LRRC28: variants seen among roughly 807,000 people sequenced by gnomAD.
The protein encoded by LRRC28 is leucine rich repeat containing 28.
LRRC28 carries 39 observed loss-of-function variants against 45.7 expected under a neutral mutation model. The observed-to-expected ratio is 0.85, with a 90% CI of 0.66 to 1.12. LRRC28 has a LOEUF of 1.12. LRRC28 is among the 50% of genes most tolerant of loss of function. The pLI, the probability that LRRC28 is intolerant of heterozygous loss-of-function variation, is 0.00. For synonymous variants in LRRC28, 206 were observed against 178.8 expected, an observed-to-expected ratio of 1.15 and a Z score of -1.22; for missense variants, 435 against 438.5, an observed-to-expected ratio of 0.99 and a Z score of 0.07.
intron 5 of LRRC28, among the ~76,000 whole-genome samples, chr15:99,309,457 G>A (rs1374086555): frequency 6.6e-6 from 1 of 152,120 alleles, no homozygotes; most frequent in Non-Finnish European, 1.5e-5. Flanking sequence ...CGCCAAGGCT[G>A]GAGTGCAGTG....
At chr15:99,275,104 AAGAG>A (rs200732254) in intron 2 of LRRC28, among the ~76,000 whole-genome samples, 6,673 of 152,192 alleles carry the variant, frequency 0.044, 199 homozygotes, top group Non-Finnish European at 0.067. Context: ...GTGTGAGAGA[AAGAG>A]AGAGAGATAT....
chr15:99,361,164 G>A, intron 7 of LRRC28, 172 bp from the exon 8 acceptor site: 1 of 709,510 alleles, frequency 1.4e-6, no homozygotes, highest in South Asian at 2.2e-5. Flanking sequence ...TTAGATTGCT[G>A]GGCCAGGTTT....
intron 3 of LRRC28, 148 bp from the exon 4 acceptor site, chr15:99,287,109 C>A (rs1267012122): frequency 1.8e-6 from 1 of 563,256 alleles, no homozygotes; most frequent in South Asian, 2.6e-5. Flanking sequence ...GCTGTGATAA[C>A]CATTATTGTA....
chr15:99,259,893 C>T (rs1195590284), intron 2 of LRRC28: 1 of 741,324 alleles, frequency 1.3e-6, no homozygotes, highest in Non-Finnish European at 2.5e-6. Flanking sequence ...GTGGAAGAAC[C>T]CGACGAAGAA....
chr15:99,334,538 ATAAT>A (rs2152295034), intron 6 of LRRC28, among the ~76,000 whole-genome samples: 1 of 152,212 alleles, frequency 6.6e-6, no homozygotes, highest in South Asian at 2.1e-4. Flanking sequence ...GGGTATCCTA[ATAAT>A]TAATATTGCC....
In LRRC28 at chr15:99,259,155, C is replaced by G. The variant is rs2081116395; in HGVS notation, c.168+3030C>G. 8.4e-6 allele frequency: 11 copies of G among 1,301,954 alleles called. No individual in the cohort carries two copies. In the Admixed American group the frequency reaches 1.0e-4, roughly 12 times the overall value. The allele number at this position is 1,301,954 out of a possible 1,614,324, so 80.7% of individuals were successfully genotyped here. A position where few individuals can be genotyped will look rare whatever the true frequency, so the allele number is the denominator to read the frequency against. ...CTTGCTAAACTTCTTAGGTTCCAGT[C>G]TTCTCATCATCCAGCTGACATTACT... On this transcript the variant is annotated intron_variant, in intron 2 of 9. Transcript: ENST00000301981.
At chr15:99,381,532 C>T (rs541588957) in intron 9 of LRRC28, among the ~76,000 whole-genome samples, 13 of 152,238 alleles carry the variant, frequency 8.5e-5, no homozygotes, top group African/African-American at 2.2e-4. Flanking sequence ...TCTCTCAACT[C>T]GTCAAAGTCA....
At position 99,363,102 on chromosome 15, in the gene LRRC28, C is replaced by G; in HGVS notation, c.872-4C>G. The G allele has an allele frequency of 6.2e-7, 1 of 1,601,420 alleles. No individual in the cohort carries two copies. Among genetic ancestry groups the G allele is most frequent in the Non-Finnish European group, 8.5e-7 (1 of 1,173,966 alleles). On this transcript the variant is annotated splice_region_variant and splice_polypyrimidine_tract_variant and intron_variant, in intron 8 of 9. Transcript: ENST00000301981. ...CGTGTGCGTGATTTTCTTTTGTGTT[C>G]CAGATTTGAACTTTCTGTCTCCAAT...
intron 6 of LRRC28, among the ~76,000 whole-genome samples, chr15:99,346,509 T>A (rs886522668): frequency 2.0e-5 from 3 of 152,186 alleles, no homozygotes; most frequent in Non-Finnish European, 2.9e-5. Flanking sequence ...AAAATTTGAA[T>A]CAAGACAGGA....
At chr15:99,255,562 T>G (rs995434370) in intron 1 of LRRC28, among the ~76,000 whole-genome samples, 1 of 152,152 alleles carries the variant, frequency 6.6e-6, no homozygotes, top group Non-Finnish European at 1.5e-5. Context: ...CTGCATTTGA[T>G]TTTTAAGCTT....
At chr15:99,363,320 G>A (rs1054622504) in intron 9 of LRRC28, 55 bp downstream of exon 9, 31 of 1,591,720 alleles carry the variant, frequency 1.9e-5, no homozygotes, top group Non-Finnish European at 2.4e-5. Flanking sequence ...GGTGGCAGGT[G>A]GGGAGGGGAG....
intron 2 of LRRC28, among the ~76,000 whole-genome samples, chr15:99,272,285 T>C (rs1361146073): frequency 6.6e-6 from 1 of 152,188 alleles, no homozygotes; most frequent in African/African-American, 2.4e-5. Context: ...TGCCCAGGAA[T>C]GAAGCTGACA....
chr15:99,278,396 C>T (rs902838599), intron 3 of LRRC28, among the ~76,000 whole-genome samples: 6 of 152,146 alleles, frequency 3.9e-5, no homozygotes, highest in South Asian at 2.1e-4. Context: ...TACAGGCATC[C>T]GCCACCACGC....
chr15:99,264,518 C>T (rs1422909982), intron 2 of LRRC28, among the ~76,000 whole-genome samples: 1 of 152,154 alleles, frequency 6.6e-6, no homozygotes, highest in Non-Finnish European at 1.5e-5. Context: ...GAGGTGGGGA[C>T]CGAGCAATAG....
chr15:99,257,639 CTGTGGGTG>C, intron 2 of LRRC28: 1 of 712,512 alleles, frequency 1.4e-6, no homozygotes, highest in East Asian at 2.7e-5. Context: ...TGTGAAGGCC[CTGTGGGTG>C]CTGGGGCCTC....
intron 9 of LRRC28, among the ~76,000 whole-genome samples, chr15:99,363,761 G>A (rs1957270147): frequency 6.6e-6 from 1 of 151,998 alleles, no homozygotes; most frequent in Non-Finnish European, 1.5e-5. Flanking sequence ...TTATTTCTTG[G>A]CACATTGCCT....
chr15:99,259,494 T>C, intron 2 of LRRC28: 1 of 1,157,194 alleles, frequency 8.6e-7, no homozygotes, highest in Admixed American at 1.7e-5. Flanking sequence ...GATAAAGCCA[T>C]TAAGGACAAG....
chr15:99,333,819 C>A, intron 5 of LRRC28, 104 bp from the exon 6 acceptor site: 1 of 1,162,164 alleles, frequency 8.6e-7, no homozygotes, highest in South Asian at 1.4e-5. Flanking sequence ...TGGGAATAGT[C>A]GCAGCTACTG....
At chr15:99,312,398 C>T (rs1477600136) in intron 5 of LRRC28, among the ~76,000 whole-genome samples, 1 of 152,174 alleles carries the variant, frequency 6.6e-6, no homozygotes, top group Non-Finnish European at 1.5e-5. Flanking sequence ...TCTTCCACCT[C>T]TAATCTTTTC....
Sources: allele counts gnomAD v4.1 joint callset (sites outside exome capture counted in the v4.1 genomes callset), GRCh38; gene constraint gnomAD v4.1.1; transcripts MANE v1.5; gene names NCBI Gene and HGNC (gene_info 2026-07-23, HGNC 2026-07-21).